TBC1D15: variants seen among roughly 807,000 people sequenced by gnomAD.
TBC1D15 encodes TBC1 domain family member 15, also known as GAP for RAB7.
A neutral mutation model predicts 95.4 loss-of-function variants in TBC1D15; 39 were observed. That is an observed-to-expected ratio of 0.41 (90% CI 0.32 to 0.53). The LOEUF (loss-of-function observed/expected upper bound fraction) is 0.53, where lower values mean the gene tolerates loss of function less well. Among genes scored for constraint, TBC1D15 ranks in the 20% least tolerant of loss-of-function variants. The pLI is 0.29. For synonymous variants in TBC1D15, 258 were observed against 261.3 expected (o/e 0.99, Z 0.12); for missense variants, 733 against 794.3 (o/e 0.92, Z 0.93).
intron 6 of TBC1D15, chr12:71,894,360 C>T (rs1468131583): frequency 1.9e-6 from 3 of 1,612,878 alleles, no homozygotes; most frequent in Non-Finnish European, 2.5e-6. Context: ...TGTTGTGGGC[C>T]ATTCACCACT....
chr12:71,896,774 A>G lies in TBC1D15; in HGVS notation c.1082A>G (p.Gln361Arg), dbSNP rs1362106888. 2 of 1,610,446 alleles carry G rather than the reference A, an allele frequency of 1.2e-6. No homozygotes were observed. The highest frequency in any genetic ancestry group is 1.7e-6 in the Non-Finnish European group (2 of 1,178,146). The stretch of plus-strand genomic sequence containing the variant: ...GAGGAAAGAACCCAATTACAAAAGC[A>G]AAAAACGTAAGTAATGGTCTTTCGT... ...TKEERTQLQK[Q>R]KTDEYFRMKL... is the part of the protein sequence containing the mutation. Residue 361 changes from glutamine (Q) to arginine (R), a missense_variant, in exon 9 of 17, where the codon CAA (glutamine) becomes CGA (arginine). Transcript: ENST00000485960.
At chr12:71,907,213 G>A (rs1323844900) in intron 11 of TBC1D15, 75 bp downstream of exon 11, 1 of 876,664 alleles carries the variant, frequency 1.1e-6, no homozygotes, top group Non-Finnish European at 1.7e-6. Context: ...AATCCAGTTA[G>A]ACATGGGTAA....
rs1870361297 is a variant in TBC1D15, at chr12:71,924,098, A to C, written c.*894A>C. 1 of 152,676 alleles carries C rather than the reference A, an allele frequency of 6.5e-6. No homozygotes were observed. The highest frequency in any genetic ancestry group is 6.5e-5 in the Admixed American group (1 of 15,288). The allele number at this position is 152,676 out of a possible 1,614,324, so 9.5% of individuals were successfully genotyped here. A position where few individuals can be genotyped will look rare whatever the true frequency, so the allele number is the denominator to read the frequency against. ...CATTAACTGATTAATCAGGTGTTTAAATTTTTATAAAATACTCTTGCAAAA... is the reference window on the plus strand; with the variant it reads ...CATTAACTGATTAATCAGGTGTTTACATTTTTATAAAATACTCTTGCAAAA... On this transcript the variant is annotated 3_prime_UTR_variant, in exon 17 of 17. Coordinates refer to ENST00000485960, the MANE Select transcript of TBC1D15 (RefSeq NM_001146213.3).
chr12:71,875,606 A>G (rs1198678922), intron 3 of TBC1D15, among the ~76,000 whole-genome samples: 3 of 151,818 alleles, frequency 2.0e-5, no homozygotes, highest in African/African-American at 2.4e-5. Flanking sequence ...TGAGTAATGT[A>G]CATTATACCC....
intron 10 of TBC1D15, among the ~76,000 whole-genome samples, chr12:71,898,232 A>T (rs1898611663): frequency 6.6e-6 from 1 of 152,072 alleles, no homozygotes; most frequent in African/African-American, 2.4e-5. Context: ...TTTCATTTTT[A>T]AAAAACTTTA....
At chr12:71,913,266 A>G (rs1002759829) in intron 11 of TBC1D15, 1 of 152,100 alleles carries the variant, frequency 6.6e-6, no homozygotes, top group Admixed American at 6.6e-5. Flanking sequence ...TAATTTTGTA[A>G]CTCCTGTTAT....
At chr12:71,919,154 A>G (rs1319793696) in intron 14 of TBC1D15, among the ~76,000 whole-genome samples, 1 of 151,650 alleles carries the variant, frequency 6.6e-6, no homozygotes, top group African/African-American at 2.4e-5. Flanking sequence ...TGAAAAACCA[A>G]ATCATTTCAC....
At chr12:71,875,753 C>A (rs1027692929) in intron 3 of TBC1D15, among the ~76,000 whole-genome samples, 1 of 151,762 alleles carries the variant, frequency 6.6e-6, no homozygotes, top group Non-Finnish European at 1.5e-5. Flanking sequence ...TTTCATGTGT[C>A]TGTTCAATAT....
At chr12:71,900,504 G>A (rs1238318436) in intron 10 of TBC1D15, among the ~76,000 whole-genome samples, 2 of 152,022 alleles carry the variant, frequency 1.3e-5, no homozygotes, top group African/African-American at 2.4e-5. Flanking sequence ...TGGCATAAAT[G>A]GGTTTAAATC....
At chr12:71,867,272 T>C (rs1475403024) in intron 1 of TBC1D15, among the ~76,000 whole-genome samples, 1 of 152,256 alleles carries the variant, frequency 6.6e-6, no homozygotes, top group Non-Finnish European at 1.5e-5. Context: ...GTGGAAATTT[T>C]CTGGTAGTTT....
At chr12:71,917,518 T>C (rs1312173514) in intron 12 of TBC1D15, among the ~76,000 whole-genome samples, 180 bp from the exon 13 acceptor site, 1 of 152,208 alleles carries the variant, frequency 6.6e-6, no homozygotes, top group Non-Finnish European at 1.5e-5. Context: ...GCAAGGATTC[T>C]TTCTCTTTAC....
chr12:71,864,496 T>TG lies in TBC1D15; in HGVS notation c.31-7574_31-7573insG, dbSNP rs199928548. ...TCACCTGCAGTTGAGTGTTTTTTTT[T>TG]TTTGTTTGTTTGTTTGTTTTGTTTT... is the stretch of plus-strand genomic sequence containing the variant. On this transcript the variant is annotated intron_variant, in intron 1 of 16. Coordinates refer to ENST00000485960, the MANE Select transcript of TBC1D15 (RefSeq NM_001146213.3). 7.6e-3 allele frequency among the ~76,000 whole-genome samples: 1,148 copies of TG among 151,918 alleles called. 20 individuals carry two copies. Among genetic ancestry groups the TG allele is most frequent in the African/African-American group, 0.027 (1,097 of 41,396 alleles).
At chr12:71,848,852 A>G (rs1038451690) in intron 1 of TBC1D15, among the ~76,000 whole-genome samples, 2 of 152,168 alleles carry the variant, frequency 1.3e-5, no homozygotes, top group Non-Finnish European at 2.9e-5. Context: ...GGGTTTGTCA[A>G]GCTCCTAGGC....
At chr12:71,917,911 C>A in intron 13 of TBC1D15, 114 bp downstream of exon 13, 1 of 645,922 alleles carries the variant, frequency 1.5e-6, no homozygotes, top group Non-Finnish European at 2.7e-6. Flanking sequence ...ATAATCCCAG[C>A]ACTTTGGAAG....
At chr12:71,865,393 G>GGT (rs1891274558) in intron 1 of TBC1D15, among the ~76,000 whole-genome samples, 1 of 152,210 alleles carries the variant, frequency 6.6e-6, no homozygotes, top group Non-Finnish European at 1.5e-5. Flanking sequence ...TGGGGAGCAG[G>GGT]GTGTGGCTAC....
chr12:71,894,619 C>G, intron 6 of TBC1D15, 67 bp from the exon 7 acceptor site: 1 of 1,392,504 alleles, frequency 7.2e-7, no homozygotes, highest in Middle Eastern at 1.9e-4. Flanking sequence ...CTTTTTTGCT[C>G]ATGATGGAGT....
Position 71,896,089 on chromosome 12 carries a change from T to G in TBC1D15, c.984+14T>G. 1 of 1,597,658 alleles carries G rather than the reference T, an allele frequency of 6.3e-7. No homozygotes were observed. The highest frequency in any genetic ancestry group is 8.6e-7 in the Non-Finnish European group (1 of 1,168,964). On this transcript the variant is annotated intron_variant, in intron 8 of 16. Transcript: ENST00000485960. ...ATATTTAGAGGGGTAATTTAAACAC[T>G]CTAATATGGCTTGTCTTATAAACTC...
intron 5 of TBC1D15, among the ~76,000 whole-genome samples, chr12:71,887,290 AAT>A (rs1430915519): frequency 7.7e-6 from 1 of 130,120 alleles, no homozygotes; most frequent in Non-Finnish European, 1.6e-5. Flanking sequence ...CAGAATAGAA[AAT>A]ACTATTCTGT....
At chr12:71,886,519 G>T (rs1281692240) in intron 5 of TBC1D15, among the ~76,000 whole-genome samples, 1 of 152,160 alleles carries the variant, frequency 6.6e-6, no homozygotes, top group Non-Finnish European at 1.5e-5. Flanking sequence ...TTAACACCTT[G>T]CCCAAATTTA....
Sources: allele counts gnomAD v4.1 joint callset (sites outside exome capture counted in the v4.1 genomes callset), GRCh38; gene constraint gnomAD v4.1.1; transcripts MANE v1.5; gene names NCBI Gene and HGNC (gene_info 2026-07-23, HGNC 2026-07-21).